The following IGDCC3 variants were observed in gnomAD, a reference collection of about 807,000 sequenced individuals.
The protein encoded by IGDCC3 is putative neuronal cell adhesion molecule.
IGDCC3 carries 47 observed loss-of-function variants against 72.0 expected under a neutral mutation model. The observed-to-expected ratio is 0.65, with a 90% CI of 0.52 to 0.83. IGDCC3 has a LOEUF of 0.83. IGDCC3 is among the 40% of genes least tolerant of loss of function. The probability of loss-of-function intolerance (pLI) is 0.00; values close to 1 mark genes in which losing one functional copy is unlikely to be tolerated. For missense variants in IGDCC3, 1,038 were observed against 1,091.3 expected (o/e 0.95, Z 0.69); for synonymous variants, 477 against 472.8 (o/e 1.01, Z -0.11).
intron 3 of IGDCC3, 90 bp downstream of exon 3, chr15:65,335,722 A>C: frequency 2.1e-6 from 3 of 1,455,420 alleles, no homozygotes; most frequent in South Asian, 1.2e-5. Context: ...CACCAACTGC[A>C]GCTCCCAGAG....
chr15:65,377,102 G>T lies in IGDCC3; in HGVS notation c.103+584C>A. Reference sequence around the variant, plus strand: ...GCTTCTCCTCTCCTTCTTGGCTCACGGGCTCTGTCCCGGGTCGCTCCCTAG... The same window carrying T: ...GCTTCTCCTCTCCTTCTTGGCTCACTGGCTCTGTCCCGGGTCGCTCCCTAG... On this transcript the variant is annotated intron_variant, in intron 1 of 13. Transcript: ENST00000327987. The surrounding 1 kb of genome is among the most constrained non-coding windows in gnomAD (Gnocchi z 4.9). Among the ~76,000 whole-genome samples, 1 of 152,104 alleles carries T rather than the reference G, an allele frequency of 6.6e-6. No homozygotes were observed. The highest frequency in any genetic ancestry group is 1.5e-5 in the Non-Finnish European group (1 of 68,022).
rs925689600 is a variant in IGDCC3, at chr15:65,378,000, G to C, written c.-212C>G. ...CATCTTGCACCCACCCGGGCGATCTGTCAGCCTCGCCCGGGGTGCGCGCTC... is the reference window on the plus strand; with the variant it reads ...CATCTTGCACCCACCCGGGCGATCTCTCAGCCTCGCCCGGGGTGCGCGCTC... On this transcript the variant is annotated 5_prime_UTR_variant, in exon 1 of 14. Transcript: ENST00000327987. The surrounding 1 kb of genome is among the most constrained non-coding windows in gnomAD (Gnocchi z 4.9). 1.6e-5 allele frequency: 4 copies of C among 248,878 alleles called. No homozygotes were observed. Among genetic ancestry groups the C allele is most frequent in the Non-Finnish European group, 2.6e-5 (4 of 153,746 alleles). The allele number at this position is 248,878 out of a possible 1,614,324, so 15.4% of individuals were successfully genotyped here.
chr15:65,334,688 A>T, intron 5 of IGDCC3, 40 bp downstream of exon 5: 1 of 1,495,046 alleles, frequency 6.7e-7, no homozygotes, highest in Non-Finnish European at 8.9e-7. Flanking sequence ...AGGGGGTGGG[A>T]CAGGCTGGGA....
intron 2 of IGDCC3, among the ~76,000 whole-genome samples, chr15:65,345,751 G>C (rs1157733970): frequency 6.6e-6 from 1 of 152,144 alleles, no homozygotes; most frequent in Non-Finnish European, 1.5e-5. Flanking sequence ...GCCATCAAGG[G>C]GCAAAGGTTA....
chr15:65,366,673 C>A (rs1035550259), intron 2 of IGDCC3, among the ~76,000 whole-genome samples: 3 of 152,174 alleles, frequency 2.0e-5, no homozygotes. Flanking sequence ...GTCAGGTGAG[C>A]CAGTCCTGGC....
At chr15:65,373,347 C>G (rs1411173637) in intron 2 of IGDCC3, 1 of 152,308 alleles carries the variant, frequency 6.6e-6, no homozygotes, top group Non-Finnish European at 1.5e-5. Flanking sequence ...GCTGCACCAG[C>G]CTTCCCCTGC....
In IGDCC3 at chr15:65,331,663, C is replaced by T; in HGVS notation, c.1149-4G>A. On this transcript the variant is annotated splice_region_variant and splice_polypyrimidine_tract_variant and intron_variant, in intron 7 of 13. Coordinates refer to ENST00000327987, the MANE Select transcript of IGDCC3 (RefSeq NM_004884.4). ...GATTCCAGAAATGGTCAGTGTGCTG[C>T]AGGGGAGAGAGACAGCCTCAGGTTC... 6.3e-7 allele frequency: 1 copy of T among 1,590,260 alleles called. No homozygotes were observed. The highest frequency in any genetic ancestry group is 8.6e-7 in the Non-Finnish European group (1 of 1,164,336).
intron 2 of IGDCC3, among the ~76,000 whole-genome samples, chr15:65,346,618 G>A (rs1041874222): frequency 1.3e-5 from 2 of 152,124 alleles, no homozygotes; most frequent in Non-Finnish European, 2.9e-5. Context: ...CATCATGCCC[G>A]GCTAATTTTT....
intron 2 of IGDCC3, among the ~76,000 whole-genome samples, chr15:65,367,519 A>G (rs920481086): frequency 6.6e-5 from 10 of 151,660 alleles, no homozygotes; most frequent in South Asian, 2.1e-4. Context: ...CTAAAACTTA[A>G]AAGTATAATA....
At chr15:65,357,927 A>G (rs1422553548) in intron 2 of IGDCC3, among the ~76,000 whole-genome samples, 2 of 152,162 alleles carry the variant, frequency 1.3e-5, no homozygotes, top group African/African-American at 4.8e-5. Context: ...CAAAACAAAA[A>G]GATAAAAGCT....
chr15:65,356,570 C>T (rs2091221283), intron 2 of IGDCC3, among the ~76,000 whole-genome samples: 1 of 148,532 alleles, frequency 6.7e-6, no homozygotes, highest in Non-Finnish European at 1.5e-5. Context: ...CTAAAGGAAA[C>T]CACGGTGCAG....
At chr15:65,331,267 C>T in intron 8 of IGDCC3, 53 bp from the exon 9 acceptor site, 1 of 1,595,024 alleles carries the variant, frequency 6.3e-7, no homozygotes, top group East Asian at 2.2e-5. Flanking sequence ...GGAGTCCTGC[C>T]AGCATTGGTG....
In IGDCC3 at chr15:65,328,714, C is replaced by T. The variant is rs1353756003; in HGVS notation, c.*195G>A. 8 of 519,050 alleles carry T rather than the reference C, an allele frequency of 1.5e-5. No homozygotes were observed. Among genetic ancestry groups the T allele is most frequent in the East Asian group, 3.5e-5 (1 of 28,674 alleles). The allele number at this position is 519,050 out of a possible 1,614,324, so 32.2% of individuals were successfully genotyped here. On this transcript the variant is annotated 3_prime_UTR_variant, in exon 14 of 14. Transcript: ENST00000327987. ...GAACAGGCTCCTGCAGGAACTGCTC[C>T]AACTCCTGATGGGTGTTAGGGCCGG...
intron 2 of IGDCC3, among the ~76,000 whole-genome samples, chr15:65,356,793 G>A (rs1460584508): frequency 6.7e-6 from 1 of 148,368 alleles, no homozygotes; most frequent in African/African-American, 2.5e-5. Context: ...AGGCAGATAG[G>A]TGCAGGATAG....
chr15:65,351,934 T>A (rs540078883), intron 2 of IGDCC3, among the ~76,000 whole-genome samples: 1 of 152,222 alleles, frequency 6.6e-6, no homozygotes, highest in Non-Finnish European at 1.5e-5. Flanking sequence ...TTGTCTTGTT[T>A]TAATCCTCTT....
intron 2 of IGDCC3, among the ~76,000 whole-genome samples, chr15:65,349,568 G>T (rs2091155685): frequency 1.3e-5 from 2 of 152,190 alleles, no homozygotes; most frequent in Admixed American, 1.3e-4. Context: ...GATAAAACAT[G>T]GGCTTAGAAC....
intron 2 of IGDCC3, among the ~76,000 whole-genome samples, chr15:65,367,358 AAAAAAAAAG>A (rs2091293775): frequency 2.0e-5 from 3 of 150,838 alleles, no homozygotes; most frequent in Admixed American, 2.0e-4. Flanking sequence ...AAAAAAAAAA[AAAAAAAAAG>A]AAAAGAAAAA....
Position 65,329,486 on chromosome 15 carries a change from G to GCCCCGCTGT in IGDCC3, c.2100_2108dup (p.Arg702_Gln704dup). 4 of 1,610,142 alleles carry GCCCCGCTGT rather than the reference G, an allele frequency of 2.5e-6. No individual in the cohort carries two copies. The highest frequency in any genetic ancestry group is 2.7e-5 in the African/African-American group (2 of 74,694). ...CACGTTTCTCGTCTCGGCCCAGCTG[G>GCCCCGCTGT]CCCCGCTGTCCCCGTCTCGCCCCAT... On this transcript the variant is annotated inframe_insertion, in exon 13 of 14. Transcript: ENST00000327987. This position sits in a 1 kb window ranked among gnomAD's most constrained non-coding sequence, Gnocchi z 4.1.
chr15:65,335,185 G>T, intron 4 of IGDCC3, 106 bp downstream of exon 4: 1 of 1,257,814 alleles, frequency 8.0e-7, no homozygotes, highest in Non-Finnish European at 1.1e-6. Context: ...CTGCACGCAC[G>T]TGGCTGAGAA....
Sources: allele counts gnomAD v4.1 joint callset (sites outside exome capture counted in the v4.1 genomes callset), GRCh38; gene constraint gnomAD v4.1.1; non-coding constraint Gnocchi (gnomAD v3.1); transcripts MANE v1.5; gene names NCBI Gene and HGNC (gene_info 2026-07-23, HGNC 2026-07-21).